Variants in PCDH19 observed in about 807,000 individuals in gnomAD.
PCDH19 encodes protocadherin 19, also known as protocadherin-19.
Under a neutral mutation model 46.2 loss-of-function variants are expected in PCDH19, and 6 were observed. The observed-to-expected ratio is 0.13, with a 90% CI of 0.07 to 0.26. The LOEUF (loss-of-function observed/expected upper bound fraction) is 0.26, where lower values mean the gene tolerates loss of function less well. PCDH19 is among the 10% of genes least tolerant of loss of function. The pLI, the probability that PCDH19 is intolerant of heterozygous loss-of-function variation, is 1.00. For missense variants in PCDH19, 740 were observed against 972.3 expected, an observed-to-expected ratio of 0.76 and a Z score of 3.18; for synonymous variants, 481 against 415.7, an observed-to-expected ratio of 1.16 and a Z score of -1.91.
chrX:100,409,917 G>C lies in PCDH19; in HGVS notation c.-1320C>G, dbSNP rs1419160961. 6.2e-6 allele frequency: 2 copies of C among 321,258 alleles called. No individual in the cohort carries two copies. The highest frequency in any genetic ancestry group is 1.1e-4 in the South Asian group (1 of 8,991). 26.5% of individuals were successfully genotyped at this position (321,258 alleles called of 1,213,427 possible). On this transcript the variant is annotated 5_prime_UTR_variant, in exon 1 of 6. Transcript: ENST00000373034. ...CTTCCTCCCGGGCGCTCGCGCACTC[G>C]GGAGGTCTGTCTCGCTTTCTCTGTC...
intron 3 of PCDH19, among the ~76,000 whole-genome samples, chrX:100,396,628 T>A (rs1470608044): frequency 4.5e-5 from 5 of 111,962 alleles, no homozygotes; most frequent in African/African-American, 1.6e-4. Flanking sequence ...GGAATGATAA[T>A]AATAAATTAG....
intron 4 of PCDH19, among the ~76,000 whole-genome samples, chrX:100,344,293 A>C (rs1347375270): frequency 8.9e-6 from 1 of 112,215 alleles, no homozygotes; most frequent in Admixed American, 9.4e-5. Flanking sequence ...ACAAACAAGC[A>C]AATTATCTTA....
Position 100,406,501 on chromosome X carries a change from C to T in PCDH19, c.2097G>A (p.Val699=). The part of the protein sequence containing the change: ...AGILFVTMIF[V]AIKCKRDNKE... Reference sequence around the variant, plus strand: ...TGTTGTCTCGCTTGCACTTGATTGCCACGAAGATCATAGTTACAAAGAGGA... The same window carrying T: ...TGTTGTCTCGCTTGCACTTGATTGCTACGAAGATCATAGTTACAAAGAGGA... The change falls in exon 1 of 6, where the codon GTG becomes GTA. Residue 699 remains valine, a synonymous_variant. Coordinates refer to ENST00000373034, the MANE Select transcript of PCDH19 (RefSeq NM_001184880.2). 8.3e-7 allele frequency: 1 copy of T among 1,208,104 alleles called. No individual in the cohort carries two copies. Among genetic ancestry groups the T allele is most frequent in the Non-Finnish European group, 1.1e-6 (1 of 893,661 alleles).
At chrX:100,363,195 G>A (rs750841150) in intron 3 of PCDH19, among the ~76,000 whole-genome samples, 1 of 109,089 alleles carries the variant, frequency 9.2e-6, no homozygotes, top group Admixed American at 9.7e-5. Flanking sequence ...TCCCAGCTAC[G>A]CGGGAGGCTG....
At chrX:100,398,518 G>A (rs1032311779) in intron 3 of PCDH19, among the ~76,000 whole-genome samples, 1 of 112,188 alleles carries the variant, frequency 8.9e-6, no homozygotes, top group African/African-American at 3.2e-5. Flanking sequence ...GCCATTAAAG[G>A]AGGAGAAAGG....
At chrX:100,372,804 C>T (rs1300156127) in intron 3 of PCDH19, among the ~76,000 whole-genome samples, 1 of 111,893 alleles carries the variant, frequency 8.9e-6, no homozygotes, top group East Asian at 2.8e-4. Flanking sequence ...AGGTTCAAGT[C>T]CTGTTTATGT....
intron 5 of PCDH19, among the ~76,000 whole-genome samples, chrX:100,323,866 G>T (rs188153552): frequency 9.0e-6 from 1 of 111,703 alleles, no homozygotes; most frequent in Non-Finnish European, 1.9e-5. Flanking sequence ...TTAGGCTGAG[G>T]TGAAAGCAGG....
intron 5 of PCDH19, among the ~76,000 whole-genome samples, chrX:100,319,327 G>A (rs1925404913): frequency 8.9e-6 from 1 of 111,823 alleles, no homozygotes; most frequent in Non-Finnish European, 1.9e-5. Context: ...GGCTGGAGGG[G>A]CAGATGAAGT....
chrX:100,387,998 T>C (rs1167889392), intron 3 of PCDH19, among the ~76,000 whole-genome samples: 1 of 111,417 alleles, frequency 9.0e-6, no homozygotes, highest in Non-Finnish European at 1.9e-5. Flanking sequence ...ACCTACTGCA[T>C]AGTATTACGG....
At chrX:100,362,506 A>C (rs982670874) in intron 3 of PCDH19, among the ~76,000 whole-genome samples, 13 of 110,650 alleles carry the variant, frequency 1.2e-4, no homozygotes, top group African/African-American at 3.9e-4. Context: ...GTCAAAAGTT[A>C]CTCTGGGCCC....
chrX:100,354,775 T>A, intron 3 of PCDH19, among the ~76,000 whole-genome samples: 1 of 111,586 alleles, frequency 9.0e-6, no homozygotes, highest in Non-Finnish European at 1.9e-5. Context: ...TCTCTAAGTA[T>A]GCTAAATGGC....
chrX:100,346,342 A>G (rs1262544474), intron 4 of PCDH19, among the ~76,000 whole-genome samples: 1 of 112,415 alleles, frequency 8.9e-6, no homozygotes, highest in East Asian at 2.8e-4. Flanking sequence ...ATCTGAGGCT[A>G]AGAATGAGCA....
At chrX:100,297,547 C>T (rs189518990) in intron 5 of PCDH19, among the ~76,000 whole-genome samples, 4 of 111,812 alleles carry the variant, frequency 3.6e-5, no homozygotes, top group Admixed American at 2.8e-4. Context: ...ATTGGCCCTA[C>T]GCAAACATCA....
Position 100,350,664 on chromosome X carries a change from C to T in PCDH19, c.2657G>A (p.Arg886Gln), listed in dbSNP as rs757949591. The T allele has an allele frequency of 1.7e-6, 2 of 1,189,616 alleles. No homozygotes were observed. Among genetic ancestry groups the T allele is most frequent in the East Asian group, 3.0e-5 (1 of 33,767 alleles). The change falls in exon 4 of 6, where the codon CGA (arginine) becomes CAA (glutamine). Residue 886 changes from arginine to glutamine, a missense_variant. Transcript: ENST00000373034. Reference protein sequence around the residue: ...YSFDSNYVNSRAHLIKSSSTF... With the variant: ...YSFDSNYVNSQAHLIKSSSTF... ...AACATACCTCTTGATTAAATGGGCT[C>T]GGCTATTCACGTAGTTGGAGTCAAA...
intron 3 of PCDH19, among the ~76,000 whole-genome samples, chrX:100,394,883 ATTTTTTTT>A (rs139332001): frequency 2.8e-5 from 2 of 71,584 alleles, no homozygotes; most frequent in Admixed American, 1.8e-4. Context: ...GAGGAATCTA[ATTTTTTTT>A]TTTTTTTTTT....
At chrX:100,332,249 C>T (rs1674729972) in intron 5 of PCDH19, among the ~76,000 whole-genome samples, 1 of 111,936 alleles carries the variant, frequency 8.9e-6, no homozygotes, top group African/African-American at 3.2e-5. Context: ...GGGCCAGGGG[C>T]GGTGGTTCAT....
At chrX:100,370,774 A>T (rs1449424626) in intron 3 of PCDH19, among the ~76,000 whole-genome samples, 2 of 111,746 alleles carry the variant, frequency 1.8e-5, no homozygotes, top group Non-Finnish European at 3.8e-5. Flanking sequence ...TTAAAAAGTA[A>T]AAGATGCATT....
At chrX:100,349,128 C>T (rs1449935944) in intron 4 of PCDH19, among the ~76,000 whole-genome samples, 4 of 110,736 alleles carry the variant, frequency 3.6e-5, no homozygotes, top group Non-Finnish European at 3.8e-5. Flanking sequence ...TGAGTTAGCC[C>T]GAGGGACCTG....
At chrX:100,366,106 T>C (rs767581383) in intron 3 of PCDH19, among the ~76,000 whole-genome samples, 1 of 112,023 alleles carries the variant, frequency 8.9e-6, no homozygotes, top group Admixed American at 9.5e-5. Context: ...CCAGAGAATA[T>C]TGAATGATAA....
Sources: allele counts gnomAD v4.1 joint callset (sites outside exome capture counted in the v4.1 genomes callset), GRCh38; gene constraint gnomAD v4.1.1; transcripts MANE v1.5; gene names NCBI Gene and HGNC (gene_info 2026-07-23, HGNC 2026-07-21).